The following RORB variants were observed in gnomAD, a reference collection of about 807,000 sequenced individuals.
The protein encoded by RORB is nuclear receptor ROR-beta.
In RORB, 6 loss-of-function variants were observed where a neutral mutation model predicts 59.1. The ratio of observed to expected loss-of-function variants is 0.10; its 90% CI spans 0.06 to 0.20. RORB has a LOEUF of 0.20. RORB is among the 10% of genes least tolerant of loss of function. The pLI, the probability that RORB is intolerant of heterozygous loss-of-function variation, is 1.00. For synonymous variants in RORB, 215 were observed against 204.5 expected, an observed-to-expected ratio of 1.05 and a Z score of -0.44; for missense variants, 320 against 560.5, an observed-to-expected ratio of 0.57 and a Z score of 4.33.
intron 3 of RORB, among the ~76,000 whole-genome samples, chr9:74,636,581 GCAGCA>G (rs1781541540): frequency 6.6e-6 from 1 of 152,160 alleles, no homozygotes; most frequent in African/African-American, 2.4e-5. Flanking sequence ...GGAATTCATT[GCAGCA>G]CATAAACCTC....
chr9:74,610,453 A>G (rs893339556), intron 1 of RORB, among the ~76,000 whole-genome samples: 2 of 152,240 alleles, frequency 1.3e-5, no homozygotes, highest in African/African-American at 2.4e-5. Flanking sequence ...AAGTTATTGA[A>G]TGTTTATTAT....
chr9:74,644,666 C>G (rs1001698180), intron 4 of RORB, among the ~76,000 whole-genome samples: 3 of 152,142 alleles, frequency 2.0e-5, no homozygotes, highest in Non-Finnish European at 4.4e-5. Context: ...GGAAAAGGCA[C>G]CTTCCTTTGC....
intron 1 of RORB, among the ~76,000 whole-genome samples, chr9:74,575,446 C>A (rs548802408): frequency 1.3e-5 from 2 of 152,198 alleles, no homozygotes; most frequent in South Asian, 4.2e-4. Flanking sequence ...AGAAACTTTT[C>A]TGAAGCCCCC....
intron 4 of RORB, among the ~76,000 whole-genome samples, chr9:74,656,241 T>A (rs1035204908): frequency 6.6e-6 from 1 of 152,162 alleles, no homozygotes; most frequent in Non-Finnish European, 1.5e-5. Context: ...TATTTAATAT[T>A]TTGTCTCGGT....
chr9:74,505,997 G>T (rs1352295352), intron 1 of RORB, among the ~76,000 whole-genome samples: 3 of 149,954 alleles, frequency 2.0e-5, no homozygotes, highest in African/African-American at 7.3e-5. Flanking sequence ...GTATCACCAA[G>T]AAAAAGAAAA....
chr9:74,565,415 G>T (rs1822453723), intron 1 of RORB, among the ~76,000 whole-genome samples: 2 of 152,092 alleles, frequency 1.3e-5, no homozygotes, highest in Admixed American at 6.6e-5. Flanking sequence ...AAATCAATAT[G>T]TTGAGTAACA....
chr9:74,586,777 C>T (rs957323263), intron 1 of RORB, among the ~76,000 whole-genome samples: 4 of 152,156 alleles, frequency 2.6e-5, no homozygotes, highest in African/African-American at 9.7e-5. Flanking sequence ...TAGAGTAGAA[C>T]AGGGATTACC....
At chr9:74,545,588 A>C (rs1189821067) in intron 1 of RORB, among the ~76,000 whole-genome samples, 1 of 152,176 alleles carries the variant, frequency 6.6e-6, no homozygotes, top group Admixed American at 6.5e-5. Context: ...CAAGAAGAAA[A>C]ACAAGCAAAG....
At chr9:74,571,345 A>G (rs927144378) in intron 1 of RORB, among the ~76,000 whole-genome samples, 2 of 151,848 alleles carry the variant, frequency 1.3e-5, no homozygotes, top group African/African-American at 4.8e-5. Context: ...ACAATAGTAC[A>G]CAGCAGAGAG....
chr9:74,664,081 C>T (rs1157610721), intron 6 of RORB, among the ~76,000 whole-genome samples: 6 of 152,086 alleles, frequency 3.9e-5, no homozygotes, highest in African/African-American at 9.7e-5. Context: ...TTTTCTGACC[C>T]TCTTTGAAAA....
chr9:74,678,345 A>G (rs550257994), intron 9 of RORB, among the ~76,000 whole-genome samples: 87 of 152,322 alleles, frequency 5.7e-4, no homozygotes, highest in Non-Finnish European at 1.1e-3. Context: ...AATTGCAGTA[A>G]GTTGGGCCAG....
chr9:74,688,865 A>G lies in RORB; in HGVS notation c.*3247A>G, dbSNP rs1824691463. ...GGAATTTTTATCTCCCTGCAAATCC[A>G]AACTTTCTATACAAATCCTGAACAA... On this transcript the variant is annotated 3_prime_UTR_variant, in exon 10 of 10. Transcript: ENST00000376896. 1 of 152,208 alleles carries G rather than the reference A, an allele frequency of 6.6e-6. No individual in the cohort carries two copies. Among genetic ancestry groups the G allele is most frequent in the Admixed American group, 6.5e-5 (1 of 15,268 alleles). 9.4% of individuals were successfully genotyped at this position (152,208 alleles called of 1,614,324 possible).
intron 1 of RORB, among the ~76,000 whole-genome samples, chr9:74,504,632 T>C (rs77220947): frequency 0.016 from 2,389 of 152,164 alleles, 30 homozygotes; most frequent in Non-Finnish European, 0.026. Flanking sequence ...TTAGTTATGA[T>C]ATCATGTGGT....
chr9:74,533,682 G>GT (rs1294386810), intron 1 of RORB, among the ~76,000 whole-genome samples: 2 of 152,058 alleles, frequency 1.3e-5, no homozygotes, highest in African/African-American at 4.8e-5. Context: ...AGACAATGCT[G>GT]TCAGTTCTCA....
chr9:74,642,235 C>T (rs1166228614), intron 3 of RORB, among the ~76,000 whole-genome samples, 179 bp from the exon 4 acceptor site: 1 of 152,080 alleles, frequency 6.6e-6, no homozygotes, highest in Non-Finnish European at 1.5e-5. Flanking sequence ...GGACAGGTAC[C>T]CTCTGAATAT....
At chr9:74,524,796 T>C (rs1826133830) in intron 1 of RORB, among the ~76,000 whole-genome samples, 1 of 151,886 alleles carries the variant, frequency 6.6e-6, no homozygotes, top group Non-Finnish European at 1.5e-5. Context: ...AAGTATTATA[T>C]AGCCTGCAAA....
At chr9:74,589,712 C>T (rs956868384) in intron 1 of RORB, among the ~76,000 whole-genome samples, 1 of 152,062 alleles carries the variant, frequency 6.6e-6, no homozygotes, top group Non-Finnish European at 1.5e-5. Context: ...TGGGGGTGCC[C>T]TCGCATGAAC....
In RORB at chr9:74,523,729, C is replaced by T. The variant is rs139368074; in HGVS notation, c.7+25746C>T. Among the ~76,000 whole-genome samples, 1,086 of 152,034 alleles carry T rather than the reference C, an allele frequency of 7.1e-3. 14 individuals carry two copies. Among genetic ancestry groups the T allele is most frequent in the African/African-American group, 0.024 (1,016 of 41,524 alleles). ...TTAACTAAACTCTTTGTCTAGAAGACGGTTAATCCAAACACTTTTTAAACT... is the reference window on the plus strand; with the variant it reads ...TTAACTAAACTCTTTGTCTAGAAGATGGTTAATCCAAACACTTTTTAAACT... On this transcript the variant is annotated intron_variant, in intron 1 of 9. Transcript: ENST00000376896.
At chr9:74,608,640 G>A (rs966986005) in intron 1 of RORB, among the ~76,000 whole-genome samples, 7 of 151,714 alleles carry the variant, frequency 4.6e-5, no homozygotes, top group Non-Finnish European at 1.5e-5. Flanking sequence ...CTTTCCCTCT[G>A]ATGAAAAATA....
Sources: allele counts gnomAD v4.1 joint callset (sites outside exome capture counted in the v4.1 genomes callset), GRCh38; gene constraint gnomAD v4.1.1; transcripts MANE v1.5; gene names NCBI Gene and HGNC (gene_info 2026-07-23, HGNC 2026-07-21).